Variants in ZBTB20 observed in about 807,000 individuals in gnomAD.
ZBTB20 encodes the protein zinc finger and BTB domain-containing protein 20.
ZBTB20 carries 9 observed loss-of-function variants against 56.9 expected under a neutral mutation model. The observed-to-expected ratio is 0.16, with a 90% CI of 0.10 to 0.28. ZBTB20 has a LOEUF of 0.28. Among genes scored for constraint, ZBTB20 ranks in the 10% least tolerant of loss-of-function variants. The pLI is 1.00. For synonymous variants in ZBTB20, 417 were observed against 420.7 expected, an observed-to-expected ratio of 0.99 and a Z score of 0.11; for missense variants, 655 against 1,003.0, an observed-to-expected ratio of 0.65 and a Z score of 4.69.
At chr3:114,543,780 C>T (rs558617812) in intron 6 of ZBTB20, among the ~76,000 whole-genome samples, 34 of 152,120 alleles carry the variant, frequency 2.2e-4, no homozygotes, top group East Asian at 5.8e-4. Flanking sequence ...AAATGAAGAA[C>T]GCATTGGCTA....
At chr3:114,726,638 C>T (rs973218380) in intron 5 of ZBTB20, among the ~76,000 whole-genome samples, 6 of 152,008 alleles carry the variant, frequency 3.9e-5, no homozygotes, top group Non-Finnish European at 7.4e-5. Flanking sequence ...ATAGGCCGGG[C>T]GCGGTGGCTC....
chr3:114,508,130 G>C (rs1207788303), intron 6 of ZBTB20, among the ~76,000 whole-genome samples: 1 of 152,068 alleles, frequency 6.6e-6, no homozygotes. Context: ...AGTAATATAT[G>C]AACTCACTAT....
chr3:115,122,593 C>A (rs1322919799), intron 1 of ZBTB20, among the ~76,000 whole-genome samples: 1 of 152,074 alleles, frequency 6.6e-6, no homozygotes, highest in East Asian at 1.9e-4. Flanking sequence ...GTGTCACAGT[C>A]CCTCAGTGCC....
At chr3:114,708,936 T>TA (rs149187266) in intron 5 of ZBTB20, among the ~76,000 whole-genome samples, 2,008 of 152,194 alleles carry the variant, frequency 0.013, 41 homozygotes, top group African/African-American at 0.046. Flanking sequence ...TATTCATCTA[T>TA]ACCAACCTTC....
chr3:114,389,367 T>C (rs1382324391), intron 7 of ZBTB20, among the ~76,000 whole-genome samples: 1 of 152,098 alleles, frequency 6.6e-6, no homozygotes, highest in Admixed American at 6.5e-5. Flanking sequence ...GGAGCTGATT[T>C]TGTGGTTCTG....
chr3:114,520,401 T>C (rs750215596), intron 6 of ZBTB20, among the ~76,000 whole-genome samples: 79 of 152,184 alleles, frequency 5.2e-4, no homozygotes, highest in Admixed American at 2.8e-3. Flanking sequence ...CATAATTTTG[T>C]TCGGCATGAG....
intron 1 of ZBTB20, among the ~76,000 whole-genome samples, chr3:115,124,405 C>T (rs939114844): frequency 6.6e-6 from 1 of 152,046 alleles, no homozygotes; most frequent in Admixed American, 6.6e-5. Flanking sequence ...GTAAGAAATG[C>T]TTTAAATAAA....
intron 6 of ZBTB20, among the ~76,000 whole-genome samples, chr3:114,504,459 C>A: frequency 6.6e-6 from 1 of 152,136 alleles, no homozygotes; most frequent in South Asian, 2.1e-4. Flanking sequence ...GGTCAGTATT[C>A]CTTGTGGGCA....
intron 2 of ZBTB20, among the ~76,000 whole-genome samples, chr3:115,067,406 A>G (rs1235043767): frequency 6.6e-6 from 1 of 152,030 alleles, no homozygotes; most frequent in Non-Finnish European, 1.5e-5. Flanking sequence ...AAAAATTTAT[A>G]TATATACACA....
rs566245533 is a variant in ZBTB20, at chr3:114,631,070, T to C, written c.-295+62458A>G. Among the ~76,000 whole-genome samples the C allele has an allele frequency of 1.2e-4, 19 of 152,284 alleles. No individual in the cohort carries two copies. In the South Asian group the frequency reaches 2.7e-3, roughly 22 times the overall value. Reference sequence around the variant, plus strand: ...AAGTGACAGTACTAGTATATGTACATAACCTTTTCCCCCAAGTGCTGCCCA... The same window carrying C: ...AAGTGACAGTACTAGTATATGTACACAACCTTTTCCCCCAAGTGCTGCCCA... On this transcript the variant is annotated intron_variant, in intron 6 of 11. Transcript: ENST00000675478.
At chr3:114,699,427 T>C (rs2063253455) in intron 5 of ZBTB20, among the ~76,000 whole-genome samples, 1 of 152,066 alleles carries the variant, frequency 6.6e-6, no homozygotes, top group Admixed American at 6.6e-5. Context: ...GATTTCCATT[T>C]TCTTGGTTAA....
chr3:114,676,138 C>G (rs536969560), intron 6 of ZBTB20, among the ~76,000 whole-genome samples: 5 of 152,300 alleles, frequency 3.3e-5, no homozygotes, highest in Non-Finnish European at 7.3e-5. Flanking sequence ...AAGGCCCCAT[C>G]TTCCTTACTT....
chr3:114,750,450 G>C (rs2067475023), intron 5 of ZBTB20, among the ~76,000 whole-genome samples: 3 of 152,164 alleles, frequency 2.0e-5, no homozygotes, highest in African/African-American at 7.2e-5. Context: ...AGGAAGAAAA[G>C]CAGTAAAGCA....
At chr3:114,905,705 G>A (rs2075293280) in intron 3 of ZBTB20, among the ~76,000 whole-genome samples, 1 of 151,802 alleles carries the variant, frequency 6.6e-6, no homozygotes, top group African/African-American at 2.4e-5. Flanking sequence ...CTATTTTCTT[G>A]TGCTTTTTCT....
intron 2 of ZBTB20, among the ~76,000 whole-genome samples, chr3:115,057,931 G>A (rs964302896): frequency 2.6e-5 from 4 of 152,094 alleles, no homozygotes; most frequent in African/African-American, 9.7e-5. Context: ...GCACAGCTGG[G>A]GTGGCCTCAG....
intron 5 of ZBTB20, among the ~76,000 whole-genome samples, chr3:114,704,010 G>A (rs2063560697): frequency 6.6e-6 from 1 of 152,042 alleles, no homozygotes; most frequent in African/African-American, 2.4e-5. Flanking sequence ...TAGGAGTGGT[G>A]ACATTTCTGT....
intron 11 of ZBTB20, among the ~76,000 whole-genome samples, chr3:114,345,058 G>T (rs553794869): frequency 2.6e-4 from 40 of 152,078 alleles, no homozygotes; most frequent in Non-Finnish European, 5.7e-4. Context: ...AAAAAACAAA[G>T]AAATTTAAAA....
At chr3:114,637,209 T>C (rs1205675206) in intron 6 of ZBTB20, among the ~76,000 whole-genome samples, 4 of 152,068 alleles carry the variant, frequency 2.6e-5, no homozygotes, top group Non-Finnish European at 5.9e-5. Context: ...AACTGAATAA[T>C]TGTAAACTAT....
Position 115,030,176 on chromosome 3 carries a change from T to C in ZBTB20, c.-507+41043A>G, listed in dbSNP as rs143947445. 2.6e-3 allele frequency among the ~76,000 whole-genome samples: 395 copies of C among 151,272 alleles called. 2 individuals carry two copies. The highest frequency in any genetic ancestry group is 8.7e-3 in the African/African-American group (362 of 41,468). ...GTATAATGGTTTCCCACATATACCA[T>C]GTTTATAATTTCCATGCTTTTATAC... On this transcript the variant is annotated intron_variant, in intron 2 of 11. Transcript: ENST00000675478.
Sources: gnomAD v4.1 joint callset for allele counts (sites outside exome capture counted in the v4.1 genomes callset) on GRCh38, gnomAD v4.1.1 for gene constraint, MANE v1.5 for transcripts, NCBI Gene and HGNC (gene_info 2026-07-23, HGNC 2026-07-21) for gene names.